The following KIF20B variants were observed in gnomAD, a reference collection of about 807,000 sequenced individuals.
The protein encoded by KIF20B is kinesin family member 20B.
KIF20B carries 188 observed loss-of-function variants against 232.5 expected under a neutral mutation model. The ratio of observed to expected loss-of-function variants is 0.81; its 90% CI spans 0.72 to 0.91. KIF20B has a LOEUF of 0.91. Among genes scored for constraint, KIF20B ranks in the 40% least tolerant of loss-of-function variants. The pLI is 0.00. For missense variants in KIF20B, 2,154 were observed against 2,055.9 expected (o/e 1.05, Z -0.92); for synonymous variants, 712 against 683.0 (o/e 1.04, Z -0.66).
intron 29 of KIF20B, among the ~76,000 whole-genome samples, chr10:89,765,898 T>A (rs1842348947): frequency 6.6e-6 from 1 of 152,142 alleles, no homozygotes; most frequent in African/African-American, 2.4e-5. Context: ...CTTCCCTTTG[T>A]GGGTAACCCG....
At position 89,739,038 on chromosome 10, in the gene KIF20B, C is replaced by G; in HGVS notation, c.3857C>G (p.Ala1286Gly). 2 of 1,613,380 alleles carry G rather than the reference C, an allele frequency of 1.2e-6. No individual in the cohort carries two copies. The highest frequency in any genetic ancestry group is 2.2e-5 in the South Asian group (2 of 91,046). The change falls in exon 21 of 33, where the codon GCT (alanine) becomes GGT (glycine). Residue 1286 changes from alanine (A) to glycine (G), a missense_variant. Ala to Gly is a moderately conservative substitution (Grantham distance 60). Transcript: ENST00000371728. ...CTTCAGAGGAAGGAAGAAGATTATG[C>G]TGACCTGAAAGAGAAACTGACTGAT... ...ADLQRKEEDY[A>G]DLKEKLTDAK...
intron 14 of KIF20B, among the ~76,000 whole-genome samples, 161 bp downstream of exon 14, chr10:89,724,264 C>T (rs1289722056): frequency 6.6e-6 from 1 of 151,986 alleles, no homozygotes; most frequent in Non-Finnish European, 1.5e-5. Flanking sequence ...CGGTGGCTCA[C>T]GCCTGTAATC....
At chr10:89,706,706 T>A (rs879315792) in intron 2 of KIF20B, among the ~76,000 whole-genome samples, 4 of 152,106 alleles carry the variant, frequency 2.6e-5, no homozygotes, top group Non-Finnish European at 4.4e-5. Flanking sequence ...CCTGTTGTTT[T>A]GGTGCTTTAC....
chr10:89,763,652 CT>C (rs1476776604), intron 29 of KIF20B, among the ~76,000 whole-genome samples: 3 of 152,026 alleles, frequency 2.0e-5, no homozygotes, highest in Non-Finnish European at 4.4e-5. Flanking sequence ...CCTCTTCTTA[CT>C]GCAGTTTCTT....
At chr10:89,755,456 TC>T in intron 26 of KIF20B, among the ~76,000 whole-genome samples, 1 of 101,758 alleles carries the variant, frequency 9.8e-6, no homozygotes, top group East Asian at 3.5e-4. Flanking sequence ...CCCCTTTCCT[TC>T]CCTCCCCTCC....
At chr10:89,710,304 C>T (rs1042879310) in intron 5 of KIF20B, among the ~76,000 whole-genome samples, 1 of 151,096 alleles carries the variant, frequency 6.6e-6, no homozygotes, top group Non-Finnish European at 1.5e-5. Context: ...TCACTACAAC[C>T]TCTGCCTCCT....
At chr10:89,720,618 A>T (rs1251321694) in intron 13 of KIF20B, among the ~76,000 whole-genome samples, 1 of 152,234 alleles carries the variant, frequency 6.6e-6, no homozygotes, top group African/African-American at 2.4e-5. Context: ...CTTCAAAAAC[A>T]CTAATTGTTT....
chr10:89,761,282 T>C (rs1481248660), intron 28 of KIF20B, among the ~76,000 whole-genome samples: 1 of 152,118 alleles, frequency 6.6e-6, no homozygotes, highest in Non-Finnish European at 1.5e-5. Context: ...GGTAGATACA[T>C]AAGTGAATGA....
chr10:89,768,755 A>G lies in KIF20B; in HGVS notation c.5109A>G (p.Ser1703=), dbSNP rs760861723. 4.4e-6 allele frequency: 7 copies of G among 1,588,688 alleles called. 1 individual carries two copies. In the South Asian group the frequency reaches 5.8e-5, roughly 13 times the overall value. Residue 1703 remains serine (S), a synonymous_variant, in exon 31 of 33, where the codon TCA becomes TCG. Coordinates refer to ENST00000371728, the MANE Select transcript of KIF20B (RefSeq NM_001284259.2). ...KKEQKVAIRP[S]SKKTYSLRSQ... is the part of the protein sequence containing the mutation. ...TTTATTAGGTTGCCATACGTCCATC[A>G]TCTAAGAAAACATATTCTTTACGGA...
At chr10:89,733,274 A>T (rs968571970) in intron 19 of KIF20B, 14 of 436,286 alleles carry the variant, frequency 3.2e-5, no homozygotes, top group African/African-American at 1.2e-4. Flanking sequence ...TTGTGCTTTT[A>T]TTATTTCTTT....
rs142589580 is a variant in KIF20B, at chr10:89,725,039, C to T, written c.1882C>T (p.Arg628Ter). Reference protein sequence around the residue: ...ADFKETLLQEREILEENAERR... With the variant: ...ADFKETLLQE The stretch of plus-strand genomic sequence containing the variant: ...TTGAAGGGAGACTCTGCTTCAAGAA[C>T]GAGAGATATTAGAAGAAAATGCTGA... Residue 628 changes from arginine to a stop codon, truncating the protein, a stop_gained, in exon 15 of 33, where the codon CGA (arginine) becomes TGA (stop). Coordinates refer to ENST00000371728, the MANE Select transcript of KIF20B (RefSeq NM_001284259.2). LOFTEE classifies it high-confidence loss of function. 1.0e-4 allele frequency: 162 copies of T among 1,613,036 alleles called. No individual in the cohort carries two copies. Among genetic ancestry groups the T allele is most frequent in the Non-Finnish European group, 1.3e-4 (150 of 1,179,418 alleles).
At chr10:89,751,672 G>A (rs991116685) in intron 24 of KIF20B, among the ~76,000 whole-genome samples, 11 of 152,030 alleles carry the variant, frequency 7.2e-5, no homozygotes, top group African/African-American at 2.4e-4. Flanking sequence ...CAGTAAAGGA[G>A]TAAGGACACT....
At chr10:89,716,373 T>G in intron 8 of KIF20B, 63 bp from the exon 9 acceptor site, 2 of 716,274 alleles carry the variant, frequency 2.8e-6, no homozygotes, top group Admixed American at 3.1e-5. Flanking sequence ...TTCAAAGAGA[T>G]TACATTGTAG....
rs779640917 is a variant in KIF20B, at chr10:89,729,191, A to G, written c.2335A>G (p.Thr779Ala). Residue 779 changes from threonine to alanine, a missense_variant, in exon 18 of 33, where the codon ACT becomes GCT. By Grantham distance (58) the Thr-to-Ala change is moderately conservative (BLOSUM62 0). Transcript: ENST00000371728. ...LINIIDQKED[T>A]INEFQNLKSH... ...AAATATAATTGATCAAAAAGAAGAT[A>G]CTATCAACGAATTTCAGAACCTAAA... is the stretch of plus-strand genomic sequence containing the variant. 4.0e-6 allele frequency: 6 copies of G among 1,485,590 alleles called. No homozygotes were observed. The highest frequency in any genetic ancestry group is 1.8e-4 in the Middle Eastern group (1 of 5,710). 92.0% of individuals were successfully genotyped at this position (1,485,590 alleles called of 1,614,324 possible). A position where few individuals can be genotyped will look rare whatever the true frequency, so the allele number is the denominator to read the frequency against.
At chr10:89,727,944 A>G in intron 17 of KIF20B, 48 bp downstream of exon 17, 2 of 1,454,130 alleles carry the variant, frequency 1.4e-6, no homozygotes, top group Non-Finnish European at 1.9e-6. Context: ...TTAATTAACA[A>G]AGGGGTATGA....
chr10:89,716,825 ATGG>A (rs1026780560), intron 9 of KIF20B, among the ~76,000 whole-genome samples: 8 of 152,114 alleles, frequency 5.3e-5, no homozygotes, highest in African/African-American at 1.9e-4. Flanking sequence ...GTTGGTAATA[ATGG>A]TGGCCTTTTC....
intron 26 of KIF20B, among the ~76,000 whole-genome samples, chr10:89,757,260 A>G (rs1157450173): frequency 2.0e-5 from 3 of 151,718 alleles, no homozygotes; most frequent in Non-Finnish European, 2.9e-5. Flanking sequence ...CTAATTACTG[A>G]TGAAGTTGAA....
chr10:89,744,483 T>G (rs1053734251), intron 22 of KIF20B, among the ~76,000 whole-genome samples: 9 of 152,312 alleles, frequency 5.9e-5, no homozygotes, highest in Admixed American at 3.3e-4. Context: ...TTCTTGATTT[T>G]TGATAAATGT....
Position 89,758,830 on chromosome 10 carries a change from A to G in KIF20B, c.4628A>G (p.Lys1543Arg), listed in dbSNP as rs566396878. The change falls in exon 27 of 33, where the codon AAA becomes AGA. Residue 1543 changes from lysine (K) to arginine (R), a missense_variant. Coordinates refer to ENST00000371728, the MANE Select transcript of KIF20B (RefSeq NM_001284259.2). Reference protein sequence around the residue: ...LKALISSNVQKDNEIEQLKRI... With the variant: ...LKALISSNVQRDNEIEQLKRI... Reference sequence around the variant, plus strand: ...GCACTGATATCCAGTAATGTACAGAAAGATAATGAAATTGAACAACTAAAA... The same window carrying G: ...GCACTGATATCCAGTAATGTACAGAGAGATAATGAAATTGAACAACTAAAA... 7 of 1,599,954 alleles carry G rather than the reference A, an allele frequency of 4.4e-6. No individual in the cohort carries two copies. The South Asian group carries it at 6.8e-5, about 16-fold the overall frequency.
Sources: gnomAD v4.1 joint callset for allele counts (sites outside exome capture counted in the v4.1 genomes callset) on GRCh38, gnomAD v4.1.1 for gene constraint, MANE v1.5 for transcripts, NCBI Gene and HGNC (gene_info 2026-07-23, HGNC 2026-07-21) for gene names.